The following SMG6 variants were observed in gnomAD, a reference collection of about 807,000 sequenced individuals.
SMG6 encodes the protein telomerase-binding protein EST1A.
Under a neutral mutation model 142.2 loss-of-function variants are expected in SMG6, and 66 were observed. The ratio of observed to expected loss-of-function variants is 0.46; its 90% confidence interval spans 0.38 to 0.57. The LOEUF (loss-of-function observed/expected upper bound fraction) is 0.57. SMG6 is among the 20% of genes least tolerant of loss of function. The pLI, the probability that SMG6 is intolerant of heterozygous loss-of-function variation, is 0.00. For synonymous variants in SMG6, 779 were observed against 702.4 expected (o/e 1.11, Z -1.72); for missense variants, 1,793 against 1,832.0 (o/e 0.98, Z 0.39).
At chr17:2,286,498 GAAGA>G in intron 6 of SMG6, among the ~76,000 whole-genome samples, 1 of 152,118 alleles carries the variant, frequency 6.6e-6, no homozygotes, top group East Asian at 1.9e-4. Flanking sequence ...ACCATTCAAT[GAAGA>G]AAGAGCAGTC....
chr17:2,302,712 T>C (rs548734085), intron 1 of SMG6, among the ~76,000 whole-genome samples: 11 of 152,202 alleles, frequency 7.2e-5, no homozygotes, highest in South Asian at 6.2e-4. Flanking sequence ...AGTGCTTCAC[T>C]ATTTTCATAA....
At chr17:2,154,172 T>C (rs1220181613) in intron 13 of SMG6, among the ~76,000 whole-genome samples, 6 of 143,606 alleles carry the variant, frequency 4.2e-5, no homozygotes, top group Admixed American at 2.1e-4. Context: ...AGGATGCACG[T>C]AGAGTGTGAC....
chr17:2,102,208 C>A (rs868401804), intron 13 of SMG6, among the ~76,000 whole-genome samples: 34 of 152,190 alleles, frequency 2.2e-4, no homozygotes, highest in Non-Finnish European at 3.2e-4. Context: ...TATAAATTGA[C>A]AATTTATATT....
chr17:2,113,551 C>T (rs1453870773), intron 13 of SMG6, among the ~76,000 whole-genome samples: 1 of 152,202 alleles, frequency 6.6e-6, no homozygotes, highest in Admixed American at 6.5e-5. Context: ...AAATGGGTCT[C>T]TGGGTTATCA....
intron 13 of SMG6, among the ~76,000 whole-genome samples, chr17:2,118,637 G>C (rs534082671): frequency 1.5e-4 from 22 of 147,860 alleles, no homozygotes; most frequent in African/African-American, 5.5e-4. Flanking sequence ...TTTGAGCAAC[G>C]GTCTTGCTCT....
At position 2,299,549 on chromosome 17, in the gene SMG6, G is replaced by A. The variant is rs767382915; in HGVS notation, c.1204C>T (p.Arg402Trp). The A allele has an allele frequency of 1.1e-5, 18 of 1,614,000 alleles. No individual in the cohort carries two copies. Among genetic ancestry groups the A allele is most frequent in the African/African-American group, 1.1e-4 (8 of 74,894 alleles). ...QESKNPKQEL[R>W]GRGRGILILP... Reference sequence around the variant, plus strand: ...ATCAGAATGCCACGACCACGACCCCGAAGTTCTTGTTTCGGGTTTTTGGAC... The same window carrying A: ...ATCAGAATGCCACGACCACGACCCCAAAGTTCTTGTTTCGGGTTTTTGGAC... The change falls in exon 2 of 19, where the codon CGG (arginine) becomes TGG (tryptophan). Residue 402 changes from arginine (R) to tryptophan (W), a missense_variant. Arg to Trp is a moderately radical substitution (Grantham distance 101, BLOSUM62 -3). Around this residue, in one of 3 missense-constraint regions of SMG6, gnomAD observed 1,597 missense variants for 1,584.6 expected, o/e 1.01. Coordinates refer to ENST00000263073, the MANE Select transcript of SMG6 (RefSeq NM_017575.5). The surrounding 1 kb of genome is among the most constrained non-coding windows in gnomAD (Gnocchi z 4.3).
intron 10 of SMG6, among the ~76,000 whole-genome samples, chr17:2,200,762 T>G (rs980011723): frequency 9.9e-5 from 15 of 152,050 alleles, no homozygotes; most frequent in Non-Finnish European, 1.9e-4. Flanking sequence ...CAGGGTGGAG[T>G]GCAGTGGCGC....
At chr17:2,089,391 G>A (rs769746814) in intron 13 of SMG6, among the ~76,000 whole-genome samples, 5 of 152,052 alleles carry the variant, frequency 3.3e-5, no homozygotes, top group African/African-American at 4.8e-5. Context: ...TCTCCTCTGC[G>A]GTGTACCTTC....
intron 8 of SMG6, among the ~76,000 whole-genome samples, chr17:2,265,628 A>G (rs2074407729): frequency 6.6e-6 from 1 of 152,168 alleles, no homozygotes; most frequent in African/African-American, 2.4e-5. Context: ...GCAGTGGTAA[A>G]TTTTTTCTGT....
intron 13 of SMG6, among the ~76,000 whole-genome samples, chr17:2,144,012 C>A (rs117292265): frequency 0.025 from 3,817 of 150,342 alleles, 75 homozygotes; most frequent in Middle Eastern, 0.046. Flanking sequence ...CTTAGCCTCC[C>A]AAGTACTGGG....
intron 9 of SMG6, among the ~76,000 whole-genome samples, chr17:2,238,089 G>A (rs923989120): frequency 3.3e-5 from 5 of 152,150 alleles, no homozygotes; most frequent in South Asian, 2.1e-4. Flanking sequence ...GGCCCTTCCC[G>A]ACTGGGAAGT....
intron 13 of SMG6, among the ~76,000 whole-genome samples, chr17:2,123,866 T>C (rs2069783138): frequency 1.3e-5 from 2 of 152,180 alleles, no homozygotes; most frequent in South Asian, 4.1e-4. Flanking sequence ...AGAGCTGCTT[T>C]TATAATCACT....
intron 10 of SMG6, among the ~76,000 whole-genome samples, chr17:2,202,405 A>G (rs1244055314): frequency 6.6e-6 from 1 of 152,122 alleles, no homozygotes; most frequent in East Asian, 1.9e-4. Context: ...ATAAAAAATT[A>G]GCCTGCAGTG....
intron 15 of SMG6, among the ~76,000 whole-genome samples, chr17:2,074,004 G>A (rs191518187): frequency 6.6e-5 from 10 of 151,196 alleles, no homozygotes; most frequent in East Asian, 2.0e-4. Flanking sequence ...GCTTAAACCC[G>A]GGAGGCAGCG....
intron 13 of SMG6, among the ~76,000 whole-genome samples, chr17:2,165,031 C>T (rs1371187746): frequency 6.6e-6 from 1 of 152,116 alleles, no homozygotes; most frequent in African/African-American, 2.4e-5. Flanking sequence ...AGACATAAAC[C>T]TCTTTGGGGT....
intron 4 of SMG6, 137 bp from the exon 5 acceptor site, chr17:2,293,114 C>A (rs1419101731): frequency 1.6e-6 from 1 of 639,166 alleles, no homozygotes; most frequent in Non-Finnish European, 2.8e-6. Flanking sequence ...AAGTTTTTAG[C>A]CTAAACCTGA....
chr17:2,113,296 G>A (rs561601028), intron 13 of SMG6, among the ~76,000 whole-genome samples: 5 of 151,892 alleles, frequency 3.3e-5, no homozygotes, highest in East Asian at 1.9e-4. Context: ...GATTGGACTC[G>A]AACTCCTGGG....
intron 15 of SMG6, among the ~76,000 whole-genome samples, chr17:2,079,031 T>C (rs1317464462): frequency 1.3e-5 from 2 of 152,166 alleles, no homozygotes; most frequent in Non-Finnish European, 2.9e-5. Flanking sequence ...TGGCGCAATC[T>C]TGGCTCACTG....
intron 13 of SMG6, among the ~76,000 whole-genome samples, chr17:2,142,247 A>ATTAAAACAT (rs1294229893): frequency 1.3e-5 from 2 of 152,370 alleles, no homozygotes; most frequent in East Asian, 3.9e-4. Flanking sequence ...CTTCGTAAAA[A>ATTAAAACAT]TTAAAACATT....
Sources: gnomAD v4.1 joint callset for allele counts (sites outside exome capture counted in the v4.1 genomes callset) on GRCh38, gnomAD v4.1.1 for gene constraint, gnomAD v4.1.1 regional missense constraint, Gnocchi (gnomAD v3.1) non-coding constraint, MANE v1.5 for transcripts, NCBI Gene and HGNC (gene_info 2026-07-23, HGNC 2026-07-21) for gene names.